Variants in PCNX1 observed in about 807,000 individuals in gnomAD.
The protein encoded by PCNX1 is pecanex-like protein 1.
Under a neutral mutation model 242.2 loss-of-function variants are expected in PCNX1, and 78 were observed. That is an observed-to-expected ratio of 0.32 (90% CI 0.27 to 0.39). The LOEUF is 0.39. Among genes scored for constraint, PCNX1 ranks in the 10% least tolerant of loss-of-function variants. The pLI, the probability that PCNX1 is intolerant of heterozygous loss-of-function variation, is 1.00. For missense variants in PCNX1, 2,581 were observed against 2,856.5 expected (o/e 0.90, Z 2.20); for synonymous variants, 1,024 against 1,032.9 (o/e 0.99, Z 0.17).
At chr14:70,979,201 AC>A (rs1674084490) in intron 6 of PCNX1, among the ~76,000 whole-genome samples, 1 of 152,074 alleles carries the variant, frequency 6.6e-6, no homozygotes, top group Non-Finnish European at 1.5e-5. Context: ...TTACGAAAAT[AC>A]TATTTTTTTC....
At chr14:71,048,922 T>C (rs2060944541) in intron 22 of PCNX1, 1 of 391,528 alleles carries the variant, frequency 2.6e-6, no homozygotes, top group African/African-American at 2.2e-5. Flanking sequence ...AAATAGCTTC[T>C]AAAATATTTC....
chr14:71,047,296 T>C (rs950266610), intron 21 of PCNX1, among the ~76,000 whole-genome samples, 191 bp downstream of exon 21: 1 of 152,156 alleles, frequency 6.6e-6, no homozygotes, highest in African/African-American at 2.4e-5. Context: ...TATTCTGTAC[T>C]CCAGACATCT....
At chr14:70,990,495 G>A (rs10148670) in intron 7 of PCNX1, among the ~76,000 whole-genome samples, 242 of 152,046 alleles carry the variant, frequency 1.6e-3, no homozygotes, top group African/African-American at 5.6e-3. Context: ...AACCCAGGAG[G>A]TGGAGGTTGC....
At chr14:71,042,043 CTT>C (rs1473410908) in intron 19 of PCNX1, among the ~76,000 whole-genome samples, 3 of 152,022 alleles carry the variant, frequency 2.0e-5, no homozygotes, top group South Asian at 4.1e-4. Context: ...GAGAAGATAA[CTT>C]TATATGATTT....
chr14:71,056,988 T>C (rs907944191), intron 25 of PCNX1, among the ~76,000 whole-genome samples: 3 of 152,174 alleles, frequency 2.0e-5, no homozygotes, highest in African/African-American at 4.8e-5. Context: ...TTAATGTCTT[T>C]TTTTAAGGTT....
chr14:70,968,761 G>A (rs569557160), intron 4 of PCNX1, among the ~76,000 whole-genome samples: 1 of 152,268 alleles, frequency 6.6e-6, no homozygotes, highest in Non-Finnish European at 1.5e-5. Context: ...TGTTTTTAAA[G>A]AAATAGTTTT....
chr14:70,959,344 G>A (rs1037759115), intron 2 of PCNX1, among the ~76,000 whole-genome samples: 7 of 148,162 alleles, frequency 4.7e-5, no homozygotes, highest in Admixed American at 1.3e-4. Context: ...TCGTCATTTA[G>A]CATTAGGTAT....
chr14:71,050,891 G>T, intron 23 of PCNX1, 131 bp downstream of exon 23: 2 of 841,442 alleles, frequency 2.4e-6, no homozygotes, highest in South Asian at 1.8e-5. Context: ...AATCTTGGCC[G>T]GGTGCAGTGG....
chr14:71,037,589 A>G (rs1174622074), intron 19 of PCNX1, among the ~76,000 whole-genome samples: 1 of 150,356 alleles, frequency 6.7e-6, no homozygotes, highest in Non-Finnish European at 1.5e-5. Context: ...GCTGGATTAC[A>G]TTTATTGATT....
At chr14:70,920,428 A>G (rs2056333823) in intron 1 of PCNX1, among the ~76,000 whole-genome samples, 1 of 152,172 alleles carries the variant, frequency 6.6e-6, no homozygotes, top group Non-Finnish European at 1.5e-5. Flanking sequence ...GAGGATGTAT[A>G]CAATTTGTCA....
rs2062754573 is a variant in PCNX1 at position 71,111,607 on chromosome 14, T to C, written c.*1672T>C. On this transcript the variant is annotated 3_prime_UTR_variant, in exon 36 of 36. Coordinates refer to ENST00000304743, the MANE Select transcript of PCNX1 (RefSeq NM_014982.3). Reference sequence around the variant, plus strand: ...GCTGTTTTTCCTACCAATTCTGATGTAGATCTCACATTATAGCATAACATT... The same window carrying C: ...GCTGTTTTTCCTACCAATTCTGATGCAGATCTCACATTATAGCATAACATT... The C allele has an allele frequency of 6.6e-6, 1 of 152,186 alleles. No homozygotes were observed. Among genetic ancestry groups the C allele is most frequent in the Non-Finnish European group, 1.5e-5 (1 of 67,986 alleles). The allele number at this position is 152,186 out of a possible 1,614,324, so 9.4% of individuals were successfully genotyped here.
intron 1 of PCNX1, 114 bp downstream of exon 1, chr14:70,908,117 T>A: frequency 9.8e-7 from 1 of 1,024,482 alleles, no homozygotes; most frequent in Non-Finnish European, 1.3e-6. Context: ...GCCGCCACCC[T>A]CTCGGTGTGA....
intron 33 of PCNX1, among the ~76,000 whole-genome samples, chr14:71,108,039 G>A (rs1393108207): frequency 1.3e-5 from 2 of 152,094 alleles, no homozygotes; most frequent in Non-Finnish European, 2.9e-5. Context: ...CTGTACAGTA[G>A]ACCTCCAGAG....
At chr14:70,932,451 CAGTA>C (rs1377851327) in intron 1 of PCNX1, among the ~76,000 whole-genome samples, 3 of 151,984 alleles carry the variant, frequency 2.0e-5, no homozygotes, top group Non-Finnish European at 2.9e-5. Context: ...TTTAGAGAGA[CAGTA>C]AGACACAGGC....
At chr14:70,954,581 G>A (rs1772520918) in intron 2 of PCNX1, among the ~76,000 whole-genome samples, 1 of 152,014 alleles carries the variant, frequency 6.6e-6, no homozygotes, top group African/African-American at 2.4e-5. Context: ...TCCATTAAAA[G>A]GAAATTTATG....
chr14:70,914,353 A>G (rs1307646483), intron 1 of PCNX1, among the ~76,000 whole-genome samples: 2 of 152,166 alleles, frequency 1.3e-5, no homozygotes, highest in African/African-American at 4.8e-5. Context: ...TTAGACCTCC[A>G]AGAAAGCAGC....
At chr14:71,069,322 A>T (rs994683817) in intron 26 of PCNX1, among the ~76,000 whole-genome samples, 2 of 152,198 alleles carry the variant, frequency 1.3e-5, no homozygotes, top group Admixed American at 1.3e-4. Context: ...ACCATTTTTC[A>T]TTTTTAAAGT....
chr14:71,031,782 C>G (rs1330077182), intron 16 of PCNX1: 1 of 1,451,320 alleles, frequency 6.9e-7, no homozygotes, highest in Admixed American at 1.7e-5. Flanking sequence ...CCTCTTCCTA[C>G]CAGTGCAGGG....
chr14:71,096,163 C>T (rs2062273598), intron 30 of PCNX1, among the ~76,000 whole-genome samples: 1 of 151,934 alleles, frequency 6.6e-6, no homozygotes, highest in African/African-American at 2.4e-5. Flanking sequence ...ACTAAAAATA[C>T]AATAATTAGC....
Sources: allele counts gnomAD v4.1 joint callset (sites outside exome capture counted in the v4.1 genomes callset), GRCh38; gene constraint gnomAD v4.1.1; transcripts MANE v1.5; gene names NCBI Gene and HGNC (gene_info 2026-07-23, HGNC 2026-07-21).